The following SRGAP1 variants were observed in gnomAD, a reference collection of about 807,000 sequenced individuals.
SRGAP1 encodes SLIT-ROBO Rho GTPase activating protein 1.
A neutral mutation model predicts 121.9 loss-of-function variants in SRGAP1; 43 were observed. That is an observed-to-expected ratio of 0.35 (90% CI 0.28 to 0.46). The LOEUF is 0.46. SRGAP1 is among the 20% of genes least tolerant of loss of function. SRGAP1 has a pLI of 1.00. For synonymous variants in SRGAP1, 447 were observed against 485.4 expected (o/e 0.92, Z 1.04); for missense variants, 1,102 against 1,350.9 (o/e 0.82, Z 2.89).
At chr12:64,089,247 T>C (rs1158538526) in intron 11 of SRGAP1, among the ~76,000 whole-genome samples, 1 of 152,180 alleles carries the variant, frequency 6.6e-6, no homozygotes, top group African/African-American at 2.4e-5. Flanking sequence ...ATAGTCCCTA[T>C]GCCCCAAAGC....
intron 15 of SRGAP1, among the ~76,000 whole-genome samples, chr12:64,105,790 A>G (rs2036336178): frequency 6.6e-6 from 1 of 152,068 alleles, no homozygotes; most frequent in South Asian, 2.1e-4. Flanking sequence ...TCTCAAAAAC[A>G]ACAACAACAA....
intron 3 of SRGAP1, among the ~76,000 whole-genome samples, chr12:63,992,115 A>G (rs1345800085): frequency 6.6e-6 from 1 of 152,192 alleles, no homozygotes; most frequent in Middle Eastern, 3.2e-3. Flanking sequence ...AAAGAGTTTG[A>G]TATGATTGGA....
At chr12:64,042,716 C>G in intron 4 of SRGAP1, 74 bp from the exon 5 acceptor site, 1 of 1,191,828 alleles carries the variant, frequency 8.4e-7, no homozygotes, top group Admixed American at 1.9e-5. Flanking sequence ...TCATATACGT[C>G]GTATAAATGG....
chr12:64,032,380 T>G, intron 4 of SRGAP1: 1 of 481,156 alleles, frequency 2.1e-6, no homozygotes, highest in South Asian at 2.3e-5. Context: ...ATACTTTCAT[T>G]TTTTTACAAA....
intron 5 of SRGAP1, 53 bp downstream of exon 5, chr12:64,043,025 AAG>A: frequency 8.0e-7 from 1 of 1,244,926 alleles, no homozygotes; most frequent in Non-Finnish European, 1.2e-6. Flanking sequence ...AGACAATACT[AAG>A]AACACTGATG....
chr12:64,014,270 A>G lies in SRGAP1; in HGVS notation c.427-2680A>G, dbSNP rs546382159. ...GCATTATATTATACTGCCTGCAGAC[A>G]AACTTTATATATTTCAGGGCCTCTG... On this transcript the variant is annotated intron_variant, in intron 3 of 21. Transcript: ENST00000355086. 2.0e-5 allele frequency among the ~76,000 whole-genome samples: 3 copies of G among 152,332 alleles called. No homozygotes were observed. In the South Asian group the frequency reaches 6.2e-4, roughly 32 times the overall value.
intron 21 of SRGAP1, among the ~76,000 whole-genome samples, chr12:64,138,077 C>T (rs1389572068): frequency 1.3e-5 from 2 of 151,644 alleles, no homozygotes; most frequent in African/African-American, 4.8e-5. Flanking sequence ...AGACTGTGTT[C>T]GTCTCACAAA....
At chr12:64,116,086 C>G (rs1425722113) in intron 18 of SRGAP1, 193 bp downstream of exon 18, 1 of 518,130 alleles carries the variant, frequency 1.9e-6, no homozygotes, top group Non-Finnish European at 3.5e-6. Flanking sequence ...GAGATCCCAT[C>G]TCTACAAAAA....
At chr12:63,876,756 C>G (rs961513778) in intron 1 of SRGAP1, among the ~76,000 whole-genome samples, 3 of 152,156 alleles carry the variant, frequency 2.0e-5, no homozygotes, top group African/African-American at 7.2e-5. Context: ...CCAACTAGAT[C>G]ATTTTAACTT....
chr12:64,130,623 C>A (rs577503126), intron 21 of SRGAP1, among the ~76,000 whole-genome samples: 9 of 152,300 alleles, frequency 5.9e-5, no homozygotes, highest in African/African-American at 2.2e-4. Flanking sequence ...CAAGACCAAT[C>A]CACCATTCTG....
intron 1 of SRGAP1, among the ~76,000 whole-genome samples, chr12:63,930,505 C>A (rs2031439139): frequency 6.6e-6 from 1 of 152,032 alleles, no homozygotes. Context: ...CACCAAAATG[C>A]AAATTATGAG....
chr12:63,927,757 C>T (rs533408974), intron 1 of SRGAP1, among the ~76,000 whole-genome samples: 2 of 152,120 alleles, frequency 1.3e-5, no homozygotes, highest in East Asian at 1.9e-4. Flanking sequence ...GAGCTATAAA[C>T]GCTTTATGGT....
At chr12:64,090,886 AT>A (rs1437823732) in intron 11 of SRGAP1, among the ~76,000 whole-genome samples, 1 of 152,156 alleles carries the variant, frequency 6.6e-6, no homozygotes, top group Non-Finnish European at 1.5e-5. Context: ...TTAATTCCTC[AT>A]TTGGGGATCT....
chr12:64,106,233 T>A (rs556644051), intron 15 of SRGAP1, among the ~76,000 whole-genome samples: 1 of 152,162 alleles, frequency 6.6e-6, no homozygotes, highest in Non-Finnish European at 1.5e-5. Flanking sequence ...CGGGAGAAGT[T>A]TTATTGTTGT....
At chr12:64,027,756 C>A (rs1276381368) in intron 4 of SRGAP1, among the ~76,000 whole-genome samples, 1 of 152,106 alleles carries the variant, frequency 6.6e-6, no homozygotes, top group Admixed American at 6.6e-5. Context: ...CCTCTTATTT[C>A]TCTTTTTTTC....
chr12:64,102,848 G>C (rs1049415645), intron 15 of SRGAP1, among the ~76,000 whole-genome samples: 1 of 152,098 alleles, frequency 6.6e-6, no homozygotes, highest in African/African-American at 2.4e-5. Context: ...TGGATAAGAG[G>C]TTTGTTTTTG....
chr12:63,847,654 G>A (rs1009236975), intron 1 of SRGAP1, among the ~76,000 whole-genome samples: 4 of 151,928 alleles, frequency 2.6e-5, no homozygotes, highest in Non-Finnish European at 5.9e-5. Context: ...GCTGAGTCAG[G>A]AGAATTGCTT....
At chr12:63,912,240 G>A (rs898381776) in intron 1 of SRGAP1, among the ~76,000 whole-genome samples, 3 of 152,114 alleles carry the variant, frequency 2.0e-5, no homozygotes, top group African/African-American at 2.4e-5. Flanking sequence ...CTGTGAGGTA[G>A]GTACTGACAC....
At chr12:64,100,005 T>C (rs1378986131) in intron 15 of SRGAP1, among the ~76,000 whole-genome samples, 1 of 152,216 alleles carries the variant, frequency 6.6e-6, no homozygotes, top group African/African-American at 2.4e-5. Flanking sequence ...CAAAGATTAA[T>C]ACTTAATCTT....
Sources: gnomAD v4.1 joint callset for allele counts (sites outside exome capture counted in the v4.1 genomes callset) on GRCh38, gnomAD v4.1.1 for gene constraint, MANE v1.5 for transcripts, NCBI Gene and HGNC (gene_info 2026-07-23, HGNC 2026-07-21) for gene names.